ZBTB7C: variants seen among roughly 807,000 people sequenced by gnomAD.
ZBTB7C encodes the protein zinc finger and BTB domain-containing protein 7C.
In ZBTB7C, 8 loss-of-function variants were observed where a neutral mutation model predicts 25.7. The observed-to-expected ratio is 0.31, with a 90% CI of 0.18 to 0.56. The LOEUF (loss-of-function observed/expected upper bound fraction) is 0.56, where lower values mean the gene tolerates loss of function less well. ZBTB7C is among the 20% of genes least tolerant of loss of function. The pLI, the probability that ZBTB7C is intolerant of heterozygous loss-of-function variation, is 0.91. For missense variants in ZBTB7C, 824 were observed against 855.2 expected (o/e 0.96, Z 0.46); for synonymous variants, 394 against 369.0 (o/e 1.07, Z -0.78).
intron 2 of ZBTB7C, among the ~76,000 whole-genome samples, chr18:48,226,803 G>T (rs763906556): frequency 3.9e-5 from 6 of 152,152 alleles, no homozygotes; most frequent in Non-Finnish European, 5.9e-5. Flanking sequence ...GGCAGATCAT[G>T]AATTCAGGAG....
At chr18:48,239,373 T>C (rs2043464839) in intron 2 of ZBTB7C, among the ~76,000 whole-genome samples, 1 of 152,206 alleles carries the variant, frequency 6.6e-6, no homozygotes, top group South Asian at 2.1e-4. Context: ...TGCTACCTCC[T>C]GGCTAGAGGC....
intron 3 of ZBTB7C, among the ~76,000 whole-genome samples, chr18:48,123,423 C>T (rs960191092): frequency 2.0e-5 from 3 of 152,248 alleles, no homozygotes; most frequent in East Asian, 1.9e-4. Flanking sequence ...TTCCAAGAAC[C>T]GCACATTCAG....
At chr18:48,379,129 A>G (rs2047583807) in intron 1 of ZBTB7C, among the ~76,000 whole-genome samples, 1 of 152,188 alleles carries the variant, frequency 6.6e-6, no homozygotes, top group Admixed American at 6.5e-5. Context: ...TCTTTTCTCC[A>G]TTAAGTTGTC....
intron 1 of ZBTB7C, chr18:48,364,129 C>T (rs2047172426): frequency 2.0e-5 from 3 of 152,212 alleles, no homozygotes; most frequent in Admixed American, 2.0e-4. Flanking sequence ...GTCCTCATAT[C>T]CCTGTCTTTG....
At chr18:48,313,193 T>G (rs2045862946) in intron 2 of ZBTB7C, among the ~76,000 whole-genome samples, 1 of 152,220 alleles carries the variant, frequency 6.6e-6, no homozygotes, top group South Asian at 2.1e-4. Context: ...CTAGGATTTC[T>G]GCTTTCCAGG....
At chr18:48,218,212 A>T (rs1261612840) in intron 2 of ZBTB7C, among the ~76,000 whole-genome samples, 5 of 152,176 alleles carry the variant, frequency 3.3e-5, no homozygotes, top group Admixed American at 2.0e-4. Context: ...CCCTCACCCC[A>T]GGCCTGCACA....
intron 2 of ZBTB7C, among the ~76,000 whole-genome samples, chr18:48,321,411 C>T (rs1320806076): frequency 6.6e-6 from 1 of 152,218 alleles, no homozygotes; most frequent in Admixed American, 6.5e-5. Flanking sequence ...ACCTACCTCA[C>T]ATGATGGGCT....
chr18:48,094,076 A>G (rs1043508358), intron 3 of ZBTB7C, among the ~76,000 whole-genome samples: 3 of 152,206 alleles, frequency 2.0e-5, no homozygotes, highest in Non-Finnish European at 4.4e-5. Context: ...AGAGAAAAAG[A>G]TTAATAACCT....
At chr18:48,362,335 T>C (rs1395514249) in intron 1 of ZBTB7C, among the ~76,000 whole-genome samples, 1 of 152,248 alleles carries the variant, frequency 6.6e-6, no homozygotes, top group African/African-American at 2.4e-5. Flanking sequence ...AATTCCTATG[T>C]TGAAACCTAA....
intron 2 of ZBTB7C, among the ~76,000 whole-genome samples, chr18:48,204,102 C>T (rs2042521669): frequency 6.6e-6 from 1 of 152,250 alleles, no homozygotes; most frequent in Admixed American, 6.5e-5. Context: ...GCAGTGCCTC[C>T]CTCCTTTTTG....
At chr18:48,096,594 G>A (rs1477513470) in intron 3 of ZBTB7C, among the ~76,000 whole-genome samples, 1 of 152,220 alleles carries the variant, frequency 6.6e-6, no homozygotes, top group Non-Finnish European at 1.5e-5. Flanking sequence ...GCTCCAAGCT[G>A]TTGCTGGGGC....
intron 2 of ZBTB7C, among the ~76,000 whole-genome samples, chr18:48,188,286 C>A (rs184262196): frequency 0.014 from 2,059 of 152,248 alleles, 40 homozygotes; most frequent in African/African-American, 0.047. Context: ...CACAGTTCTG[C>A]ATGGCTGGGG....
intron 2 of ZBTB7C, among the ~76,000 whole-genome samples, chr18:48,312,464 C>T (rs1302025387): frequency 1.3e-5 from 2 of 152,184 alleles, no homozygotes; most frequent in African/African-American, 2.4e-5. Flanking sequence ...TGGTTTTATG[C>T]TCATTGGCTC....
At chr18:48,263,042 T>C (rs1415175582) in intron 2 of ZBTB7C, among the ~76,000 whole-genome samples, 1 of 152,224 alleles carries the variant, frequency 6.6e-6, no homozygotes, top group Non-Finnish European at 1.5e-5. Flanking sequence ...TGAGCCACTG[T>C]TCCTCTCTGG....
chr18:48,085,679 G>T (rs2038166211), intron 3 of ZBTB7C, among the ~76,000 whole-genome samples: 2 of 152,210 alleles, frequency 1.3e-5, no homozygotes, highest in African/African-American at 4.8e-5. Flanking sequence ...ATAAACATTA[G>T]CTATCAATAT....
chr18:48,133,991 T>C (rs2040068581), intron 3 of ZBTB7C, among the ~76,000 whole-genome samples: 1 of 152,080 alleles, frequency 6.6e-6, no homozygotes, highest in African/African-American at 2.4e-5. Context: ...TCACGGCCCT[T>C]ATCAAGCTGA....
chr18:48,272,699 A>C (rs544335452), intron 2 of ZBTB7C, among the ~76,000 whole-genome samples: 2 of 152,320 alleles, frequency 1.3e-5, no homozygotes, highest in South Asian at 4.1e-4. Flanking sequence ...AAAAACTTGC[A>C]CACTTATGTT....
In ZBTB7C at chr18:48,373,428, C is replaced by G. The variant is rs537167264; in HGVS notation, c.-303-35030G>C. 2.0e-5 allele frequency among the ~76,000 whole-genome samples: 3 copies of G among 152,240 alleles called. No homozygotes were observed. The South Asian group carries it at 6.2e-4, about 32-fold the overall frequency. ...GAAAAACCATAAGCCAATTAAACCT[C>G]TTTTCTTTATAAATTACCCAGTCTC... On this transcript the variant is annotated intron_variant, in intron 1 of 4. Coordinates refer to ENST00000590800, the MANE Select transcript of ZBTB7C (RefSeq NM_001318841.2).
At chr18:48,067,578 C>T (rs913771244) in intron 3 of ZBTB7C, among the ~76,000 whole-genome samples, 3 of 152,228 alleles carry the variant, frequency 2.0e-5, no homozygotes, top group Admixed American at 6.5e-5. Flanking sequence ...ACTGAGGTCC[C>T]CAGAGGAAGA....
Sources: allele counts gnomAD v4.1 joint callset (sites outside exome capture counted in the v4.1 genomes callset), GRCh38; gene constraint gnomAD v4.1.1; transcripts MANE v1.5; gene names NCBI Gene and HGNC (gene_info 2026-07-23, HGNC 2026-07-21).